PRIMA1: variants seen among roughly 807,000 people sequenced by gnomAD.
PRIMA1 encodes the protein proline rich membrane anchor 1.
In PRIMA1, 7 loss-of-function variants were observed where a neutral mutation model predicts 17.5. The observed-to-expected ratio is 0.40, with a 90% CI of 0.23 to 0.75. The LOEUF (loss-of-function observed/expected upper bound fraction) is 0.75. Ranked by LOEUF, PRIMA1 falls within the 30% of genes least tolerant of loss-of-function variation. The pLI is 0.37. For synonymous variants in PRIMA1, 97 were observed against 77.9 expected, an observed-to-expected ratio of 1.25 and a Z score of -1.29; for missense variants, 200 against 201.8, an observed-to-expected ratio of 0.99 and a Z score of 0.05.
chr14:93,784,738 A>G (rs1173826505), intron 2 of PRIMA1, among the ~76,000 whole-genome samples: 8 of 152,116 alleles, frequency 5.3e-5, no homozygotes, highest in Admixed American at 5.2e-4. Flanking sequence ...CTGAAGCACC[A>G]CACCATTGAG....
intron 3 of PRIMA1, among the ~76,000 whole-genome samples, chr14:93,742,116 C>A (rs1217737554): frequency 6.6e-6 from 1 of 152,220 alleles, no homozygotes; most frequent in African/African-American, 2.4e-5. Flanking sequence ...GGGGCCAGAT[C>A]TGCCCTCCTG....
intron 4 of PRIMA1, chr14:93,725,751 T>G (rs543298156): frequency 1.4e-5 from 5 of 356,230 alleles, no homozygotes; most frequent in Admixed American, 7.4e-5. Context: ...TAGCTCTCAG[T>G]ACTGCTGGGG....
At chr14:93,745,020 C>T (rs73336299) in intron 3 of PRIMA1, among the ~76,000 whole-genome samples, 14,312 of 143,258 alleles carry the variant, frequency 0.1, 705 homozygotes, top group Middle Eastern at 0.19. Flanking sequence ...TAGCCCGGGG[C>T]GGGGGTGGGA....
At chr14:93,753,875 A>G (rs1309569852) in intron 3 of PRIMA1, among the ~76,000 whole-genome samples, 1 of 152,200 alleles carries the variant, frequency 6.6e-6, no homozygotes, top group Non-Finnish European at 1.5e-5. Context: ...AATGTGAACC[A>G]GGAACTGCCT....
chr14:93,733,196 C>T (rs1420941589), intron 4 of PRIMA1, among the ~76,000 whole-genome samples: 6 of 152,202 alleles, frequency 3.9e-5, no homozygotes, highest in African/African-American at 1.4e-4. Flanking sequence ...GTCCCCTGGC[C>T]TGGCTAATGT....
rs968167607 is a variant in PRIMA1 at position 93,720,453 on chromosome 14, G to A, written c.*991C>T. 6.6e-6 allele frequency: 1 copy of A among 152,524 alleles called. No homozygotes were observed. The highest frequency in any genetic ancestry group is 1.5e-5 in the Non-Finnish European group (1 of 68,198). 9.4% of individuals were successfully genotyped at this position (152,524 alleles called of 1,614,324 possible). On this transcript the variant is annotated 3_prime_UTR_variant, in exon 5 of 5. Transcript: ENST00000393140. Reference sequence around the variant, plus strand: ...CTGGGGCTCGGGGTAGGGTAAAATGGGGAGATGATGGAGGACTCTGGGAGA... The same window carrying A: ...CTGGGGCTCGGGGTAGGGTAAAATGAGGAGATGATGGAGGACTCTGGGAGA...
chr14:93,761,045 GA>G (rs201884906), intron 3 of PRIMA1, among the ~76,000 whole-genome samples: 2 of 150,950 alleles, frequency 1.3e-5, no homozygotes, highest in East Asian at 1.9e-4. Flanking sequence ...CATAGCACTT[GA>G]AAAAAAAACC....
Position 93,721,222 on chromosome 14 carries a change from C to T in PRIMA1, c.*222G>A. 2 of 540,536 alleles carry T rather than the reference C, an allele frequency of 3.7e-6. No individual in the cohort carries two copies. The highest frequency in any genetic ancestry group is 6.6e-6 in the Non-Finnish European group (2 of 304,050). 33.5% of individuals were successfully genotyped at this position (540,536 alleles called of 1,614,324 possible). On this transcript the variant is annotated 3_prime_UTR_variant, in exon 5 of 5. Transcript: ENST00000393140. ...GAGGGCCTGGGGTGGGGACACTGCCCAGGTGCTGCGCCGGGCTCAGCCTGG... is the reference window on the plus strand; with the variant it reads ...GAGGGCCTGGGGTGGGGACACTGCCTAGGTGCTGCGCCGGGCTCAGCCTGG...
intron 3 of PRIMA1, among the ~76,000 whole-genome samples, chr14:93,765,179 A>G (rs773066936): frequency 6.6e-6 from 1 of 151,544 alleles, no homozygotes; most frequent in African/African-American, 2.4e-5. Flanking sequence ...ATGGCCCCAC[A>G]TGCTCCCAGG....
chr14:93,783,836 C>CA (rs1885449059), intron 2 of PRIMA1, among the ~76,000 whole-genome samples: 1 of 151,148 alleles, frequency 6.6e-6, no homozygotes. Context: ...ACAGTGTTCC[C>CA]AGCATCAGTT....
intron 2 of PRIMA1, among the ~76,000 whole-genome samples, chr14:93,779,989 A>G (rs1885333282): frequency 6.6e-6 from 1 of 151,830 alleles, no homozygotes; most frequent in Non-Finnish European, 1.5e-5. Context: ...ATGCCACCCC[A>G]CCCCTCGTGG....
intron 2 of PRIMA1, among the ~76,000 whole-genome samples, chr14:93,779,684 C>A (rs1044311598): frequency 2.0e-5 from 3 of 152,128 alleles, no homozygotes; most frequent in African/African-American, 7.2e-5. Flanking sequence ...AGAGTGAGAC[C>A]CTTTGCTTCC....
chr14:93,756,925 C>T (rs963075761), intron 3 of PRIMA1, among the ~76,000 whole-genome samples: 1 of 152,200 alleles, frequency 6.6e-6, no homozygotes, highest in Non-Finnish European at 1.5e-5. Context: ...TGCCTGCCCT[C>T]CACGGTACCC....
At chr14:93,724,629 G>T (rs1008024745) in intron 4 of PRIMA1, among the ~76,000 whole-genome samples, 4 of 152,196 alleles carry the variant, frequency 2.6e-5, no homozygotes, top group Non-Finnish European at 5.9e-5. Flanking sequence ...GTGCTCCCCA[G>T]TGAGGCCGCT....
intron 3 of PRIMA1, among the ~76,000 whole-genome samples, chr14:93,753,777 G>T (rs1389315307): frequency 6.6e-6 from 1 of 152,160 alleles, no homozygotes; most frequent in Non-Finnish European, 1.5e-5. Context: ...GAAGGTGTAG[G>T]TGAGCAGGGC....
Position 93,720,711 on chromosome 14 carries a change from G to C in PRIMA1, c.*733C>G, listed in dbSNP as rs559299220. On this transcript the variant is annotated 3_prime_UTR_variant, in exon 5 of 5. Coordinates refer to ENST00000393140, the MANE Select transcript of PRIMA1 (RefSeq NM_178013.4). ...CCTTGCCCAGTGGCCCTGGGCTGCG[G>C]GTTCAGTGAGTCGTTTTGCCCCCGG... The C allele has an allele frequency of 6.5e-6, 1 of 152,832 alleles. No homozygotes were observed. The highest frequency in any genetic ancestry group is 2.1e-4 in the South Asian group (1 of 4,828). 9.5% of individuals were successfully genotyped at this position (152,832 alleles called of 1,614,324 possible). A position where few individuals can be genotyped will look rare whatever the true frequency, so the allele number is the denominator to read the frequency against.
At chr14:93,750,849 G>A (rs75533226) in intron 3 of PRIMA1, among the ~76,000 whole-genome samples, 3,540 of 152,256 alleles carry the variant, frequency 0.023, 146 homozygotes, top group African/African-American at 0.081. Context: ...AGGCCTAGGT[G>A]GAAGTCTCTG....
At chr14:93,761,391 T>C (rs551165573) in intron 3 of PRIMA1, among the ~76,000 whole-genome samples, 1 of 152,262 alleles carries the variant, frequency 6.6e-6, no homozygotes, top group East Asian at 1.9e-4. Context: ...CTATGTAAGC[T>C]ATGGTTTATA....
At chr14:93,730,514 T>G (rs1359210880) in intron 4 of PRIMA1, among the ~76,000 whole-genome samples, 1 of 152,120 alleles carries the variant, frequency 6.6e-6, no homozygotes, top group Non-Finnish European at 1.5e-5. Flanking sequence ...GCAGGAAACC[T>G]CTGGAACCTG....
Sources: allele counts gnomAD v4.1 joint callset (sites outside exome capture counted in the v4.1 genomes callset), GRCh38; gene constraint gnomAD v4.1.1; transcripts MANE v1.5; gene names NCBI Gene and HGNC (gene_info 2026-07-23, HGNC 2026-07-21).